The following RUNX1T1 variants were observed in gnomAD, a reference collection of about 807,000 sequenced individuals.
The protein encoded by RUNX1T1 is protein CBFA2T1.
In RUNX1T1, 4 loss-of-function variants were observed where a neutral mutation model predicts 62.8. The observed-to-expected ratio is 0.06, with a 90% CI of 0.03 to 0.15. RUNX1T1 has a LOEUF of 0.15. RUNX1T1 is among the 10% of genes least tolerant of loss of function. RUNX1T1 has a pLI of 1.00. For missense variants in RUNX1T1, 508 were observed against 754.3 expected, an observed-to-expected ratio of 0.67 and a Z score of 3.82; for synonymous variants, 291 against 286.0, an observed-to-expected ratio of 1.02 and a Z score of -0.18.
intron 1 of RUNX1T1, among the ~76,000 whole-genome samples, chr8:92,079,630 G>C (rs1224549135): frequency 6.6e-6 from 1 of 152,106 alleles, no homozygotes; most frequent in Non-Finnish European, 1.5e-5. Context: ...CACTCATCCA[G>C]ATTCTCCTTC....
intron 1 of RUNX1T1, among the ~76,000 whole-genome samples, chr8:92,019,486 A>G (rs1441681650): frequency 6.6e-6 from 1 of 152,034 alleles, no homozygotes; most frequent in Admixed American, 6.6e-5. Context: ...AGAGGAGGAA[A>G]AAGAACAAAA....
intron 5 of RUNX1T1, among the ~76,000 whole-genome samples, chr8:91,993,114 C>A (rs1323178755): frequency 6.6e-6 from 1 of 152,190 alleles, no homozygotes; most frequent in Non-Finnish European, 1.5e-5. Context: ...TTCACAGTGG[C>A]TGCAGACATC....
chr8:92,089,051 G>A (rs1450804074), intron 1 of RUNX1T1, among the ~76,000 whole-genome samples: 1 of 152,084 alleles, frequency 6.6e-6, no homozygotes, highest in African/African-American at 2.4e-5. Context: ...CATTTCTAAT[G>A]TCAGATGAAA....
At chr8:91,994,689 T>C in intron 5 of RUNX1T1, 1 of 461,714 alleles carries the variant, frequency 2.2e-6, no homozygotes, top group Non-Finnish European at 4.3e-6. Flanking sequence ...GTGCTGAAGG[T>C]AGGCAATGAA....
chr8:92,032,760 AG>A (rs1218361635), intron 1 of RUNX1T1, among the ~76,000 whole-genome samples: 1 of 152,182 alleles, frequency 6.6e-6, no homozygotes, highest in African/African-American at 2.4e-5. Context: ...CCTGGGTGAC[AG>A]AGTGAGGCCC....
intron 1 of RUNX1T1, among the ~76,000 whole-genome samples, chr8:92,056,773 T>A (rs1831114221): frequency 6.6e-6 from 1 of 152,210 alleles, no homozygotes; most frequent in Non-Finnish European, 1.5e-5. Flanking sequence ...TGCTTTTTTT[T>A]AGCTACACAA....
At chr8:92,048,399 C>T (rs189017759) in intron 1 of RUNX1T1, among the ~76,000 whole-genome samples, 7 of 152,158 alleles carry the variant, frequency 4.6e-5, no homozygotes, top group Non-Finnish European at 2.9e-5. Flanking sequence ...TTACAACTGG[C>T]GGGGTATGGT....
Position 92,037,644 on chromosome 8 carries a change from A to G in RUNX1T1, c.8-20281T>C, listed in dbSNP as rs144551646. Among the ~76,000 whole-genome samples, 180 of 152,242 alleles carry G rather than the reference A, an allele frequency of 1.2e-3. 4 individuals carry two copies. In the East Asian group the frequency reaches 0.029, roughly 25 times the overall value. On this transcript the variant is annotated intron_variant, in intron 1 of 10. Coordinates refer to ENST00000396218, the Ensembl canonical transcript of RUNX1T1. ...CAGTGAGCCATAATCACACCACTGC[A>G]CTCCAGCCTGGGTGACAGAGGGAAT... is the stretch of plus-strand genomic sequence containing the variant.
chr8:92,047,273 T>G (rs1203273652), intron 1 of RUNX1T1, among the ~76,000 whole-genome samples: 1 of 151,970 alleles, frequency 6.6e-6, no homozygotes, highest in Non-Finnish European at 1.5e-5. Context: ...CTCCCATATA[T>G]CTCTACATGG....
intron 5 of RUNX1T1, chr8:92,004,473 G>A (rs185654329): frequency 1.3e-5 from 2 of 152,272 alleles, no homozygotes; most frequent in Admixed American, 6.5e-5. Flanking sequence ...AGGGTTTAAT[G>A]GAGAAGTGGT....
chr8:91,974,639 C>T (rs1482756235), intron 9 of RUNX1T1, among the ~76,000 whole-genome samples: 1 of 152,054 alleles, frequency 6.6e-6, no homozygotes, highest in East Asian at 1.9e-4. Context: ...TGGTACTTGG[C>T]ATATTTTTAA....
chr8:92,013,713 A>G (rs1822437686), intron 3 of RUNX1T1, among the ~76,000 whole-genome samples: 1 of 152,192 alleles, frequency 6.6e-6, no homozygotes, highest in Non-Finnish European at 1.5e-5. Flanking sequence ...AAAAAAAGAT[A>G]TATGTTCTAT....
intron 1 of RUNX1T1, among the ~76,000 whole-genome samples, chr8:92,024,888 G>A (rs530377429): frequency 2.6e-5 from 4 of 152,224 alleles, no homozygotes; most frequent in South Asian, 2.1e-4. Flanking sequence ...AGACAGGACT[G>A]GAATTTGCCA....
At chr8:92,102,979 G>T, upstream of RUNX1T1, 1 of 1,362,144 alleles carries the variant, frequency 7.3e-7, no homozygotes, top group South Asian at 1.5e-5. This position sits in a 1 kb window ranked among gnomAD's most constrained non-coding sequence, Gnocchi z 4.5. Context: ...TCCCTCGCGA[G>T]GCCAGAGTGT....
intron 4 of RUNX1T1, among the ~76,000 whole-genome samples, chr8:92,008,382 T>A (rs1446494366): frequency 3.6e-5 from 3 of 83,520 alleles, no homozygotes; most frequent in African/African-American, 1.0e-4. Context: ...TCTCTCTCTC[T>A]CTCTCTCACA....
intron 1 of RUNX1T1, among the ~76,000 whole-genome samples, chr8:92,032,084 A>C (rs13251638): frequency 1 from 129,688 of 129,728 alleles, 64,824 homozygotes; most frequent in Middle Eastern, 1. Flanking sequence ...CAGAGCGAGA[A>C]TCCTGTCTCA....
intron 10 of RUNX1T1, among the ~76,000 whole-genome samples, chr8:91,969,162 C>G (rs1812253765): frequency 2.0e-5 from 3 of 151,906 alleles, no homozygotes; most frequent in Non-Finnish European, 1.5e-5. Flanking sequence ...TACTGTTTAA[C>G]AGGGTTTATT....
chr8:92,076,693 AT>A (rs1263169228), intron 1 of RUNX1T1, among the ~76,000 whole-genome samples: 3 of 152,122 alleles, frequency 2.0e-5, no homozygotes, highest in Admixed American at 1.3e-4. Flanking sequence ...TAGTTAAAAA[AT>A]ATTAATGAAA....
rs185159151 is a variant in RUNX1T1, at chr8:92,052,987, T to C, written c.7+9559A>G. On this transcript the variant is annotated intron_variant, in intron 1 of 10. Coordinates refer to ENST00000396218, the Ensembl canonical transcript of RUNX1T1. ...TGAATTAAGAGAAATGCTTACAAAGTATCTGCCGAATTAGCAAAGATTATT... is the reference window on the plus strand; with the variant it reads ...TGAATTAAGAGAAATGCTTACAAAGCATCTGCCGAATTAGCAAAGATTATT... Among the ~76,000 whole-genome samples the C allele has an allele frequency of 2.3e-3, 355 of 152,312 alleles. 2 individuals are homozygous for C. The highest frequency in any genetic ancestry group is 7.8e-3 in the African/African-American group (324 of 41,564).
Sources: gnomAD v4.1 joint callset for allele counts (sites outside exome capture counted in the v4.1 genomes callset) on GRCh38, gnomAD v4.1.1 for gene constraint, Gnocchi (gnomAD v3.1) non-coding constraint, MANE v1.5 for transcripts, NCBI Gene and HGNC (gene_info 2026-07-23, HGNC 2026-07-21) for gene names.